The following PREP variants were observed in gnomAD, a reference collection of about 807,000 sequenced individuals.
PREP encodes the protein dJ355L5.1 (prolyl endopeptidase).
PREP carries 29 observed loss-of-function variants against 87.6 expected under a neutral mutation model. The ratio of observed to expected loss-of-function variants is 0.33; its 90% CI spans 0.25 to 0.45. PREP has a LOEUF of 0.45. Among genes scored for constraint, PREP ranks in the 20% least tolerant of loss-of-function variants. The pLI is 1.00. For synonymous variants in PREP, 337 were observed against 328.6 expected (o/e 1.03, Z -0.28); for missense variants, 695 against 886.5 (o/e 0.78, Z 2.74).
rs143197182 is a variant in PREP, at chr6:105,282,332, C to T, written c.1681+119G>A. 3.5e-4 allele frequency: 444 copies of T among 1,279,736 alleles called. 4 individuals carry two copies. The Middle Eastern group carries it at 0.016, about 46-fold the overall frequency. 79.3% of individuals were successfully genotyped at this position (1,279,736 alleles called of 1,614,324 possible). On this transcript the variant is annotated intron_variant, in intron 13 of 14. Transcript: ENST00000652536. ...AAATGGTACAAATGGGTTTTGCTCT[C>T]CTTATACCACTTTGTGGTCCTATCC...
intron 6 of PREP, among the ~76,000 whole-genome samples, chr6:105,366,207 A>C (rs1000269064): frequency 2.0e-5 from 3 of 152,176 alleles, no homozygotes; most frequent in African/African-American, 4.8e-5. Flanking sequence ...GAGTCAGCCG[A>C]GACTGAGCCA....
Position 105,328,819 on chromosome 6 carries a change from A to C in PREP, c.1213+10T>G, listed in dbSNP as rs753602602. On this transcript the variant is annotated intron_variant, in intron 9 of 14. Coordinates refer to ENST00000652536, the MANE Select transcript of PREP (RefSeq NM_002726.5). ...TTTAAAGTGAACAGCAACAGTGAAA[A>C]AACACTTACCTGGAGATAAAAAGGA... The C allele has an allele frequency of 6.2e-7, 1 of 1,613,530 alleles. No homozygotes were observed. The highest frequency in any genetic ancestry group is 8.5e-7 in the Non-Finnish European group (1 of 1,179,476).
intron 6 of PREP, among the ~76,000 whole-genome samples, chr6:105,356,489 G>C (rs964102220): frequency 1.3e-5 from 2 of 152,164 alleles, no homozygotes; most frequent in Non-Finnish European, 2.9e-5. Context: ...GGGATTCCAA[G>C]GCAGATACCT....
intron 10 of PREP, among the ~76,000 whole-genome samples, chr6:105,293,739 C>T (rs1426672020): frequency 2.0e-5 from 3 of 152,144 alleles, no homozygotes; most frequent in Non-Finnish European, 2.9e-5. Context: ...TATTTTCTGC[C>T]ATTTCCATTG....
At chr6:105,336,700 G>A (rs567481423) in intron 7 of PREP, among the ~76,000 whole-genome samples, 1 of 152,270 alleles carries the variant, frequency 6.6e-6, no homozygotes, top group African/African-American at 2.4e-5. Context: ...GCTATGTGAT[G>A]CCTTCAAACA....
chr6:105,402,534 G>A (rs1420896094), intron 1 of PREP, among the ~76,000 whole-genome samples: 2 of 151,994 alleles, frequency 1.3e-5, no homozygotes. Flanking sequence ...CAGTGACACC[G>A]TCTGTCTTCC....
chr6:105,323,239 A>C, intron 10 of PREP: 2 of 775,752 alleles, frequency 2.6e-6, no homozygotes, highest in Non-Finnish European at 3.9e-6. Context: ...TGTGTCATGC[A>C]GAAATGCACA....
intron 7 of PREP, among the ~76,000 whole-genome samples, chr6:105,343,713 T>C (rs192374623): frequency 6.6e-6 from 1 of 152,078 alleles, no homozygotes; most frequent in African/African-American, 2.4e-5. Flanking sequence ...GGGTGAAGGA[T>C]ATGAACAGAC....
chr6:105,322,180 C>G, intron 10 of PREP: 1 of 505,164 alleles, frequency 2.0e-6, no homozygotes, highest in Non-Finnish European at 2.5e-6. Flanking sequence ...AAATACCAGA[C>G]AGGGGCTACA....
chr6:105,296,012 A>G (rs1190051), intron 10 of PREP, among the ~76,000 whole-genome samples: 18,290 of 152,260 alleles, frequency 0.12, 1,525 homozygotes, highest in African/African-American at 0.23. Context: ...TAGACATGAT[A>G]CTGCTAAATC....
At chr6:105,282,310 T>C in intron 13 of PREP, 141 bp downstream of exon 13, 2 of 1,030,952 alleles carry the variant, frequency 1.9e-6, no homozygotes, top group South Asian at 2.0e-5. Context: ...CAAATACAAA[T>C]GGTACAAATG....
At chr6:105,399,819 T>A (rs890027462) in intron 1 of PREP, among the ~76,000 whole-genome samples, 4 of 152,184 alleles carry the variant, frequency 2.6e-5, no homozygotes, top group Admixed American at 6.5e-5. Flanking sequence ...CTGGGTAACA[T>A]GCCCAGAACC....
At chr6:105,396,946 G>A (rs1207413822) in intron 2 of PREP, among the ~76,000 whole-genome samples, 1 of 152,120 alleles carries the variant, frequency 6.6e-6, no homozygotes, top group Non-Finnish European at 1.5e-5. Context: ...CACTTTGGGA[G>A]GCCGAGGCGG....
chr6:105,344,893 T>C (rs1771757614), intron 7 of PREP, among the ~76,000 whole-genome samples: 1 of 152,208 alleles, frequency 6.6e-6, no homozygotes, highest in African/African-American at 2.4e-5. Context: ...ACGGTGTACA[T>C]TATTGTCTGC....
rs886323677 is a variant in PREP, at chr6:105,278,094, G to C, written c.*50C>G. On this transcript the variant is annotated 3_prime_UTR_variant, in exon 15 of 15. Transcript: ENST00000652536. This position sits in a 1 kb window ranked among gnomAD's most constrained non-coding sequence, Gnocchi z 4.2. Reference sequence around the variant, plus strand: ...CAGTGGTTTCTTGGTGTCAACGTGGGAAAGCCCTTGAGGTTTTCTGTCGCT... The same window carrying C: ...CAGTGGTTTCTTGGTGTCAACGTGGCAAAGCCCTTGAGGTTTTCTGTCGCT... 4 of 1,565,040 alleles carry C rather than the reference G, an allele frequency of 2.6e-6. No homozygotes were observed. The African/African-American group carries it at 5.4e-5, about 21-fold the overall frequency.
intron 3 of PREP, among the ~76,000 whole-genome samples, chr6:105,376,537 T>C (rs1219087805): frequency 1.3e-5 from 2 of 152,182 alleles, no homozygotes; most frequent in Admixed American, 6.5e-5. Context: ...AAAATAAAAA[T>C]TGATATTCAA....
intron 3 of PREP, among the ~76,000 whole-genome samples, chr6:105,376,793 A>C (rs1413313669): frequency 2.6e-5 from 4 of 152,200 alleles, no homozygotes; most frequent in Non-Finnish European, 5.9e-5. Context: ...GCTGTGTCCC[A>C]ATCAGACCTT....
At chr6:105,351,118 G>A (rs1030367874) in intron 7 of PREP, among the ~76,000 whole-genome samples, 1 of 152,154 alleles carries the variant, frequency 6.6e-6, no homozygotes, top group African/African-American at 2.4e-5. Flanking sequence ...AGTATGCCTC[G>A]TTAATCAATC....
intron 6 of PREP, among the ~76,000 whole-genome samples, chr6:105,364,503 T>C (rs772135147): frequency 1.1e-4 from 17 of 151,624 alleles, no homozygotes; most frequent in Admixed American, 3.9e-4. Context: ...GAAGGGGAGG[T>C]TGACGACAGC....
Sources: gnomAD v4.1 joint callset for allele counts (sites outside exome capture counted in the v4.1 genomes callset) on GRCh38, gnomAD v4.1.1 for gene constraint, Gnocchi (gnomAD v3.1) non-coding constraint, MANE v1.5 for transcripts, NCBI Gene and HGNC (gene_info 2026-07-23, HGNC 2026-07-21) for gene names.